The following DOK6 variants were observed in gnomAD, a reference collection of about 807,000 sequenced individuals.
The protein encoded by DOK6 is docking protein 6, also known as downstream of tyrosine kinase 6.
In DOK6, 22 loss-of-function variants were observed where a neutral mutation model predicts 44.0. The ratio of observed to expected loss-of-function variants is 0.50; its 90% CI spans 0.36 to 0.71. The LOEUF is 0.71. Among genes scored for constraint, DOK6 ranks in the 30% least tolerant of loss-of-function variants. DOK6 has a pLI of 0.00. For missense variants in DOK6, 340 were observed against 416.4 expected (o/e 0.82, Z 1.60); for synonymous variants, 166 against 145.5 (o/e 1.14, Z -1.01).
At position 69,784,895 on chromosome 18, in the gene DOK6, C is replaced by A. The variant is rs188904017; in HGVS notation, c.856+27022C>A. ...CTATGTTTTTTATCATTATAAATCTCAAAGTCATAGAGACTGTTTGTCACC... is the reference window on the plus strand; with the variant it reads ...CTATGTTTTTTATCATTATAAATCTAAAAGTCATAGAGACTGTTTGTCACC... On this transcript the variant is annotated intron_variant, in intron 7 of 7. Coordinates refer to ENST00000382713, the MANE Select transcript of DOK6 (RefSeq NM_152721.6). 6.2e-3 allele frequency among the ~76,000 whole-genome samples: 946 copies of A among 152,232 alleles called. 37 individuals are homozygous for A. Among genetic ancestry groups the A allele is most frequent in the Admixed American group, 0.054 (827 of 15,272 alleles).
chr18:69,764,928 A>G (rs953572631), intron 7 of DOK6, among the ~76,000 whole-genome samples: 1 of 152,154 alleles, frequency 6.6e-6, no homozygotes, highest in Non-Finnish European at 1.5e-5. Context: ...CAGACCACCA[A>G]TGTCAGCACG....
intron 3 of DOK6, among the ~76,000 whole-genome samples, chr18:69,626,101 C>T (rs181166687): frequency 8.5e-5 from 13 of 152,298 alleles, no homozygotes; most frequent in Non-Finnish European, 1.8e-4. Context: ...TTAACACTGC[C>T]TGTAATTTAA....
chr18:69,721,052 A>C lies in DOK6; in HGVS notation c.600-17913A>C, dbSNP rs565960162. On this transcript the variant is annotated intron_variant, in intron 5 of 7. Transcript: ENST00000382713. Reference sequence around the variant, plus strand: ...TGTTCACTAACATAAAGCTTACATAAAAATTCCAAGTCTTGCCTTCTTCAG... The same window carrying C: ...TGTTCACTAACATAAAGCTTACATACAAATTCCAAGTCTTGCCTTCTTCAG... Among the ~76,000 whole-genome samples the C allele has an allele frequency of 5.8e-4, 88 of 152,326 alleles. 4 individuals are homozygous for C. In the South Asian group the frequency reaches 0.017, roughly 30 times the overall value.
intron 1 of DOK6, among the ~76,000 whole-genome samples, chr18:69,490,043 A>C (rs12604647): frequency 0.66 from 101,080 of 152,012 alleles, 34,553 homozygotes; most frequent in Non-Finnish European, 0.75. Flanking sequence ...AAGACATGCC[A>C]ATTGTTCATA....
chr18:69,504,948 C>T (rs1221893682), intron 1 of DOK6, among the ~76,000 whole-genome samples: 3 of 152,102 alleles, frequency 2.0e-5, no homozygotes, highest in East Asian at 1.9e-4. Context: ...GGAAGCTCTC[C>T]GTTCTTCTCC....
chr18:69,649,532 C>T (rs1985168534), intron 3 of DOK6, among the ~76,000 whole-genome samples: 1 of 152,090 alleles, frequency 6.6e-6, no homozygotes, highest in South Asian at 2.1e-4. Context: ...ATAGATGTTC[C>T]TAGAATTCAT....
intron 3 of DOK6, among the ~76,000 whole-genome samples, chr18:69,617,498 A>T (rs1310295886): frequency 7.3e-6 from 1 of 136,974 alleles, no homozygotes; most frequent in Non-Finnish European, 1.6e-5. Context: ...AGAAGAAAGA[A>T]AGAAAGAGAA....
chr18:69,490,108 C>G (rs1980693766), intron 1 of DOK6, among the ~76,000 whole-genome samples: 1 of 151,968 alleles, frequency 6.6e-6, no homozygotes, highest in Admixed American at 6.6e-5. Flanking sequence ...GATATATTTT[C>G]TATTTTAAGA....
chr18:69,807,210 A>T (rs572619127), intron 7 of DOK6, among the ~76,000 whole-genome samples: 4 of 151,924 alleles, frequency 2.6e-5, no homozygotes, highest in African/African-American at 9.6e-5. Context: ...AGCTGTTATC[A>T]GCTTAAAATA....
chr18:69,699,854 C>T (rs966008061), intron 5 of DOK6, among the ~76,000 whole-genome samples: 16 of 152,106 alleles, frequency 1.1e-4, no homozygotes, highest in Admixed American at 5.9e-4. Flanking sequence ...CATTTTCACA[C>T]GCTGATAAAG....
At chr18:69,617,482 G>T in intron 3 of DOK6, among the ~76,000 whole-genome samples, 1 of 130,482 alleles carries the variant, frequency 7.7e-6, no homozygotes, top group Non-Finnish European at 1.6e-5. Context: ...ACAGCAATAG[G>T]AGAAAAGAAG....
intron 1 of DOK6, among the ~76,000 whole-genome samples, chr18:69,427,095 A>G (rs1004738465): frequency 6.6e-6 from 1 of 152,022 alleles, no homozygotes; most frequent in Non-Finnish European, 1.5e-5. Flanking sequence ...AACATATGGT[A>G]TTTGGTTATA....
At chr18:69,620,124 A>AATCC (rs751469694) in intron 3 of DOK6, among the ~76,000 whole-genome samples, 5 of 152,166 alleles carry the variant, frequency 3.3e-5, no homozygotes, top group Admixed American at 2.0e-4. Flanking sequence ...CAATTATATC[A>AATCC]ATCCCTAAAA....
chr18:69,682,331 C>T (rs1836637506), intron 4 of DOK6, among the ~76,000 whole-genome samples: 1 of 152,132 alleles, frequency 6.6e-6, no homozygotes. Flanking sequence ...TGTTGTGTTA[C>T]CAGTCAACAA....
At chr18:69,828,513 A>G (rs1025711761) in intron 7 of DOK6, among the ~76,000 whole-genome samples, 81 of 151,008 alleles carry the variant, frequency 5.4e-4, no homozygotes, top group African/African-American at 1.9e-3. Context: ...ACAGAAACAA[A>G]TGAATGCTAC....
At chr18:69,808,827 T>G (rs1317153235) in intron 7 of DOK6, among the ~76,000 whole-genome samples, 4 of 151,788 alleles carry the variant, frequency 2.6e-5, no homozygotes, top group Non-Finnish European at 5.9e-5. Flanking sequence ...CCCTAGGACC[T>G]GATGCCTTCA....
intron 1 of DOK6, among the ~76,000 whole-genome samples, chr18:69,481,177 G>A (rs1980408976): frequency 6.6e-6 from 1 of 152,020 alleles, no homozygotes; most frequent in African/African-American, 2.4e-5. Flanking sequence ...ATCTGAGAGT[G>A]GAGAGGAGCT....
At chr18:69,531,249 T>C (rs1981977697) in intron 1 of DOK6, among the ~76,000 whole-genome samples, 1 of 147,170 alleles carries the variant, frequency 6.8e-6, no homozygotes, top group African/African-American at 2.5e-5. Context: ...ATATATATAA[T>C]ATATACTTAC....
intron 2 of DOK6, among the ~76,000 whole-genome samples, chr18:69,577,452 C>A (rs1983264927): frequency 6.6e-6 from 1 of 152,136 alleles, no homozygotes; most frequent in South Asian, 2.1e-4. Flanking sequence ...AATCTCTTAT[C>A]TGGAAGAGGT....
Sources: allele counts gnomAD v4.1 joint callset (sites outside exome capture counted in the v4.1 genomes callset), GRCh38; gene constraint gnomAD v4.1.1; transcripts MANE v1.5; gene names NCBI Gene and HGNC (gene_info 2026-07-23, HGNC 2026-07-21).